The following DRD3 variants were observed in gnomAD, a reference collection of about 807,000 sequenced individuals.
DRD3 encodes D(3) dopamine receptor.
A neutral mutation model predicts 36.3 loss-of-function variants in DRD3; 19 were observed. The observed-to-expected ratio is 0.52, with a 90% CI of 0.36 to 0.77. DRD3 has a LOEUF of 0.77. DRD3 is among the 30% of genes least tolerant of loss of function. DRD3 has a pLI of 0.00. For missense variants in DRD3, 465 were observed against 505.3 expected (o/e 0.92, Z 0.77); for synonymous variants, 195 against 203.7 (o/e 0.96, Z 0.36).
chr3:114,154,325 ATGTG>A (rs139298505), intron 3 of DRD3, among the ~76,000 whole-genome samples: 2,043 of 149,202 alleles, frequency 0.014, 53 homozygotes, highest in African/African-American at 0.048. Context: ...AGGGTGGGAG[ATGTG>A]TGTGTGTGTG....
chr3:114,196,842 T>C (rs1157217758), intron 1 of DRD3, among the ~76,000 whole-genome samples: 1 of 152,184 alleles, frequency 6.6e-6, no homozygotes, highest in African/African-American at 2.4e-5. Flanking sequence ...TTCTTATTAT[T>C]GAGTTTTGAG....
chr3:114,194,946 C>T (rs1422220912), intron 1 of DRD3, among the ~76,000 whole-genome samples: 1 of 152,000 alleles, frequency 6.6e-6, no homozygotes, highest in African/African-American at 2.4e-5. Flanking sequence ...GGAGAAACAA[C>T]TTTCTCCAGA....
intron 4 of DRD3, among the ~76,000 whole-genome samples, chr3:114,141,867 T>C (rs1458208001): frequency 6.6e-6 from 1 of 151,768 alleles, no homozygotes; most frequent in African/African-American, 2.4e-5. Flanking sequence ...CTGACCAACA[T>C]GGTGAAACCA....
chr3:114,152,959 G>T (rs1319458873), intron 3 of DRD3, among the ~76,000 whole-genome samples: 1 of 152,268 alleles, frequency 6.6e-6, no homozygotes, highest in Non-Finnish European at 1.5e-5. Context: ...CTCGCACTGT[G>T]CGCGCCGCCC....
At chr3:114,166,012 C>G (rs2077780215) in intron 2 of DRD3, among the ~76,000 whole-genome samples, 2 of 136,468 alleles carry the variant, frequency 1.5e-5, no homozygotes, top group African/African-American at 5.5e-5. Context: ...TTTTTTGAGA[C>G]AGAGTCTCTG....
intron 1 of DRD3, among the ~76,000 whole-genome samples, chr3:114,190,007 A>T (rs2107903558): frequency 6.6e-6 from 1 of 152,278 alleles, no homozygotes; most frequent in Admixed American, 6.5e-5. Context: ...TTGTGAAATC[A>T]CACCTGCTGT....
chr3:114,157,529 C>A (rs2077693751), intron 3 of DRD3, among the ~76,000 whole-genome samples: 1 of 152,204 alleles, frequency 6.6e-6, no homozygotes, highest in Non-Finnish European at 1.5e-5. Context: ...GCATCTCCAG[C>A]CTGCTTTTTC....
chr3:114,176,774 G>A lies in DRD3; in HGVS notation c.-36+1883C>T, dbSNP rs2077903634. 5.3e-5 allele frequency among the ~76,000 whole-genome samples: 8 copies of A among 152,146 alleles called. No homozygotes were observed. The South Asian group carries it at 1.7e-3, about 32-fold the overall frequency. ...TTACTCAGACGACTCCTGACCACCA[G>A]TCGCCAGAGCTTTTCTGGTCTGGGC... On this transcript the variant is annotated intron_variant, in intron 1 of 6. Coordinates refer to ENST00000383673, the MANE Select transcript of DRD3 (RefSeq NM_000796.6).
chr3:114,136,579 A>G (rs1195756894), intron 5 of DRD3, among the ~76,000 whole-genome samples: 1 of 152,254 alleles, frequency 6.6e-6, no homozygotes, highest in African/African-American at 2.4e-5. Context: ...TGGATCAGCC[A>G]TAGGCAACTT....
At chr3:114,141,572 G>A (rs559849020) in intron 4 of DRD3, among the ~76,000 whole-genome samples, 7 of 152,280 alleles carry the variant, frequency 4.6e-5, no homozygotes, top group Admixed American at 3.3e-4. Flanking sequence ...GGAGAAGGAA[G>A]GAAATAACAG....
intron 5 of DRD3, among the ~76,000 whole-genome samples, chr3:114,133,788 GAACTC>G (rs981562666): frequency 1.6e-4 from 24 of 152,260 alleles, no homozygotes; most frequent in African/African-American, 5.8e-4. Flanking sequence ...ACAGGAGGCA[GAACTC>G]AACTCTTCAA....
chr3:114,194,888 T>A (rs898836735), intron 1 of DRD3, among the ~76,000 whole-genome samples: 2 of 152,174 alleles, frequency 1.3e-5, no homozygotes, highest in African/African-American at 2.4e-5. Context: ...AGTCATTTGT[T>A]ACTAATGTTC....
At chr3:114,192,182 G>C (rs1356762073) in intron 1 of DRD3, among the ~76,000 whole-genome samples, 1 of 152,164 alleles carries the variant, frequency 6.6e-6, no homozygotes, top group African/African-American at 2.4e-5. Flanking sequence ...GGCCTAAGTT[G>C]GAAGTGAGGA....
chr3:114,171,665 C>T, intron 2 of DRD3, 58 bp downstream of exon 2: 2 of 1,465,952 alleles, frequency 1.4e-6, no homozygotes, highest in Non-Finnish European at 9.1e-7. Flanking sequence ...GGCCAGAACT[C>T]AGGGAAGACA....
intron 1 of DRD3, among the ~76,000 whole-genome samples, chr3:114,175,628 A>G (rs905335436): frequency 6.6e-6 from 1 of 152,206 alleles, no homozygotes; most frequent in Non-Finnish European, 1.5e-5. Flanking sequence ...GCTATAAAGG[A>G]TCTAAGATCA....
chr3:114,155,945 C>A (rs1577601838), intron 3 of DRD3, among the ~76,000 whole-genome samples: 2 of 152,168 alleles, frequency 1.3e-5, no homozygotes, highest in African/African-American at 2.4e-5. Context: ...TCCGCCTCTT[C>A]TCCTTCTCCC....
chr3:114,156,596 C>A (rs1470740382), intron 3 of DRD3, among the ~76,000 whole-genome samples: 7 of 152,022 alleles, frequency 4.6e-5, no homozygotes, highest in Admixed American at 6.6e-5. Flanking sequence ...CTATCAAAAT[C>A]ATTCCCTTAG....
In DRD3 at chr3:114,158,706, A is replaced by G. The variant is rs753609717; in HGVS notation, c.383+1049T>C. ...CATAAGATAATAACAGTACCTAAGA[A>G]TTGTGAAGATGAAATGAGTTAATGT... is the stretch of plus-strand genomic sequence containing the variant. On this transcript the variant is annotated intron_variant, in intron 3 of 6. Coordinates refer to ENST00000383673, the MANE Select transcript of DRD3 (RefSeq NM_000796.6). Among the ~76,000 whole-genome samples, 68 of 152,346 alleles carry G rather than the reference A, an allele frequency of 4.5e-4. 1 individual carries two copies. Among genetic ancestry groups the G allele is most frequent in the Middle Eastern group, 3.4e-3 (1 of 294 alleles).
intron 3 of DRD3, among the ~76,000 whole-genome samples, chr3:114,155,114 C>T (rs1273308310): frequency 6.6e-6 from 1 of 152,198 alleles, no homozygotes; most frequent in Non-Finnish European, 1.5e-5. Flanking sequence ...CCAAAAAATA[C>T]TGAATCCATT....
Sources: allele counts gnomAD v4.1 joint callset (sites outside exome capture counted in the v4.1 genomes callset), GRCh38; gene constraint gnomAD v4.1.1; transcripts MANE v1.5; gene names NCBI Gene and HGNC (gene_info 2026-07-23, HGNC 2026-07-21).